RCVRN: variants seen among roughly 807,000 people sequenced by gnomAD.
RCVRN encodes the protein recoverin.
In RCVRN, 23 loss-of-function variants were observed where a neutral mutation model predicts 20.4. That is an observed-to-expected ratio of 1.13 (90% CI 0.81 to 1.60). The LOEUF is 1.60. Among genes scored for constraint, RCVRN ranks in the 40% most tolerant of loss-of-function variants. The pLI, the probability that RCVRN is intolerant of heterozygous loss-of-function variation, is 0.00. For synonymous variants in RCVRN, 105 were observed against 105.9 expected (o/e 0.99, Z 0.05); for missense variants, 254 against 254.2 (o/e 1.00, Z 0.00).
Position 9,904,031 on chromosome 17 carries a change from G to C in RCVRN, c.381+769C>G, listed in dbSNP as rs1341144477. On this transcript the variant is annotated intron_variant, in intron 1 of 2. Transcript: ENST00000226193. The surrounding 1 kb of genome is among the most constrained non-coding windows in gnomAD (Gnocchi z 5.8). ...TGAGGCTGGCGGATCGCTGGAGGTCGGGAGTTTGAGACCAGCCTGACCAAC... is the reference window on the plus strand; with the variant it reads ...TGAGGCTGGCGGATCGCTGGAGGTCCGGAGTTTGAGACCAGCCTGACCAAC... Among the ~76,000 whole-genome samples the C allele has an allele frequency of 6.6e-6, 1 of 152,038 alleles. No individual in the cohort carries two copies. The highest frequency in any genetic ancestry group is 2.4e-5 in the African/African-American group (1 of 41,380).
Position 9,898,029 on chromosome 17 carries a change from T to C in RCVRN, c.*66A>G. ...GCGCGTGTGTGTGCATGTGTGTGTG[T>C]GTGCACAGGCGCTCACGGGTGTCAT... On this transcript the variant is annotated 3_prime_UTR_variant, in exon 3 of 3. Transcript: ENST00000226193. 1.0e-6 allele frequency: 1 copy of C among 966,990 alleles called. No individual in the cohort carries two copies. Among genetic ancestry groups the C allele is most frequent in the Non-Finnish European group, 1.7e-6 (1 of 590,066 alleles). The allele number at this position is 966,990 out of a possible 1,614,324, so 59.9% of individuals were successfully genotyped here.
At chr17:9,898,986 T>A (rs2067330513) in intron 2 of RCVRN, among the ~76,000 whole-genome samples, 1 of 152,178 alleles carries the variant, frequency 6.6e-6, no homozygotes, top group African/African-American at 2.4e-5. Context: ...TGAGCCCAGA[T>A]GCCACTGTGC....
intron 1 of RCVRN, among the ~76,000 whole-genome samples, chr17:9,902,231 C>T (rs2067344625): frequency 6.6e-6 from 1 of 151,938 alleles, no homozygotes; most frequent in Non-Finnish European, 1.5e-5. Context: ...AGTCCCTGTC[C>T]CAGGCCACCC....
At chr17:9,900,520 C>CTAACCTT (rs2067337014) in intron 2 of RCVRN, among the ~76,000 whole-genome samples, 1 of 152,076 alleles carries the variant, frequency 6.6e-6, no homozygotes, top group Admixed American at 6.5e-5. Flanking sequence ...CCTTTCTTTC[C>CTAACCTT]CTCTCTCCCT....
At chr17:9,900,457 A>G (rs1437969874) in intron 2 of RCVRN, among the ~76,000 whole-genome samples, 1 of 129,648 alleles carries the variant, frequency 7.7e-6, no homozygotes, top group Non-Finnish European at 1.5e-5. Flanking sequence ...AGTCTCGGGC[A>G]TTACTTACCT....
At chr17:9,900,899 A>G in intron 2 of RCVRN, 90 bp downstream of exon 2, 1 of 810,552 alleles carries the variant, frequency 1.2e-6, no homozygotes, top group Non-Finnish European at 2.1e-6. Context: ...CTGCCTGGAC[A>G]CTGTGACTCA....
chr17:9,901,022 T>C lies in RCVRN; in HGVS notation c.460A>G (p.Lys154Glu). Residue 154 changes from lysine to glutamate, a missense_variant, in exon 2 of 3, where the codon AAG becomes GAG. Transcript: ENST00000226193. ...TTCTTTCCAAAGTACTTCCAGATCT[T>C]CTCGGCTCGCTTTTCCGGCGTGTTT... ...DENTPEKRAE[K>E]IWKYFGKNDD... 1.2e-6 allele frequency: 2 copies of C among 1,609,282 alleles called. No individual in the cohort carries two copies. The highest frequency in any genetic ancestry group is 1.7e-6 in the Non-Finnish European group (2 of 1,176,166).
chr17:9,904,027 G>A lies in RCVRN; in HGVS notation c.381+773C>T, dbSNP rs994242050. Reference sequence around the variant, plus strand: ...AGGCTGAGGCTGGCGGATCGCTGGAGGTCGGGAGTTTGAGACCAGCCTGAC... The same window carrying A: ...AGGCTGAGGCTGGCGGATCGCTGGAAGTCGGGAGTTTGAGACCAGCCTGAC... On this transcript the variant is annotated intron_variant, in intron 1 of 2. Coordinates refer to ENST00000226193, the MANE Select transcript of RCVRN (RefSeq NM_002903.3). This position sits in a 1 kb window ranked among gnomAD's most constrained non-coding sequence, Gnocchi z 5.8. Among the ~76,000 whole-genome samples the A allele has an allele frequency of 6.6e-6, 1 of 152,184 alleles. No individual in the cohort carries two copies. Among genetic ancestry groups the A allele is most frequent in the East Asian group, 1.9e-4 (1 of 5,196 alleles).
chr17:9,902,721 G>T (rs985123783), intron 1 of RCVRN, among the ~76,000 whole-genome samples: 1 of 152,200 alleles, frequency 6.6e-6, no homozygotes, highest in Non-Finnish European at 1.5e-5. Context: ...GAAGAGGTTG[G>T]GTGCGGAAGC....
At position 9,899,145 on chromosome 17, in the gene RCVRN, T is replaced by G. The variant is rs1200718004; in HGVS notation, c.494-941A>C. Among the ~76,000 whole-genome samples the G allele has an allele frequency of 6.6e-6, 1 of 152,180 alleles. No individual in the cohort carries two copies. Among genetic ancestry groups the G allele is most frequent in the Non-Finnish European group, 1.5e-5 (1 of 68,022 alleles). ...GCATGAGACAGATGCTCCTTTCTGT[T>G]GTATGTTCACAGTGCCTAGCACAGA... On this transcript the variant is annotated intron_variant, in intron 2 of 2. Transcript: ENST00000226193. The surrounding 1 kb of genome is among the most constrained non-coding windows in gnomAD (Gnocchi z 4.6).
In RCVRN at chr17:9,899,105, G is replaced by A. The variant is rs949141516; in HGVS notation, c.494-901C>T. On this transcript the variant is annotated intron_variant, in intron 2 of 2. Coordinates refer to ENST00000226193, the MANE Select transcript of RCVRN (RefSeq NM_002903.3). The surrounding 1 kb of genome is among the most constrained non-coding windows in gnomAD (Gnocchi z 4.6). Reference sequence around the variant, plus strand: ...GACCTGGCGGGGAAGGCAGTCACACGCAGAAATACCTCTAGCATGAGACAG... The same window carrying A: ...GACCTGGCGGGGAAGGCAGTCACACACAGAAATACCTCTAGCATGAGACAG... Among the ~76,000 whole-genome samples the A allele has an allele frequency of 6.6e-6, 1 of 152,262 alleles. No homozygotes were observed.
In RCVRN at chr17:9,901,030, C is replaced by A. The variant is rs796526122; in HGVS notation, c.452G>T (p.Arg151Leu). The A allele has an allele frequency of 1.2e-5, 19 of 1,610,432 alleles. No homozygotes were observed. Among genetic ancestry groups the A allele is most frequent in the Admixed American group, 5.0e-5 (3 of 59,950 alleles). ...LPDDENTPEKRAEKIWKYFGK... is the reference protein window; with the variant it reads ...LPDDENTPEKLAEKIWKYFGK... ...AAAGTACTTCCAGATCTTCTCGGCT[C>A]GCTTTTCCGGCGTGTTTTCATCGTC... is the stretch of plus-strand genomic sequence containing the variant. The change falls in exon 2 of 3, where the codon CGA (arginine) becomes CTA (leucine). Residue 151 changes from arginine (R) to leucine (L), a missense_variant. Physicochemically the swap from Arg to Leu is moderately radical, Grantham distance 102 (BLOSUM62 -2). Transcript: ENST00000226193.
Position 9,899,566 on chromosome 17 carries a change from G to A in RCVRN, c.494-1362C>T, listed in dbSNP as rs2067332840. ...AACGGACCCAGAGGGAGGTCGCGAA[G>A]CCAGTTAAGGAGCCAGTGGGGCAAA... On this transcript the variant is annotated intron_variant, in intron 2 of 2. Coordinates refer to ENST00000226193, the MANE Select transcript of RCVRN (RefSeq NM_002903.3). This position sits in a 1 kb window ranked among gnomAD's most constrained non-coding sequence, Gnocchi z 4.6. Among the ~76,000 whole-genome samples, 1 of 152,232 alleles carries A rather than the reference G, an allele frequency of 6.6e-6. No individual in the cohort carries two copies. The highest frequency in any genetic ancestry group is 2.4e-5 in the African/African-American group (1 of 41,468).
intron 1 of RCVRN, 112 bp from the exon 2 acceptor site, chr17:9,901,212 A>C (rs1028280225): frequency 3.8e-6 from 2 of 524,322 alleles, no homozygotes; most frequent in Admixed American, 6.8e-5. Context: ...TGGATTAAAG[A>C]CTTAAACATA....
rs9910116 is a variant in RCVRN at position 9,904,660 on chromosome 17, G to A, written c.381+140C>T. On this transcript the variant is annotated intron_variant, in intron 1 of 2. Coordinates refer to ENST00000226193, the MANE Select transcript of RCVRN (RefSeq NM_002903.3). This position sits in a 1 kb window ranked among gnomAD's most constrained non-coding sequence, Gnocchi z 5.8. ...CCTCTATCAATATCAGCATCTCGGA[G>A]CACCACGCTCTCAGAGCCAGTGGCC... The A allele has an allele frequency of 9.9e-3, 9,287 of 941,426 alleles. 602 individuals are homozygous for A. In the African/African-American group the frequency reaches 0.13, roughly 14 times the overall value. The allele number at this position is 941,426 out of a possible 1,614,324, so 58.3% of individuals were successfully genotyped here.
chr17:9,898,780 C>T (rs9898489), intron 2 of RCVRN, among the ~76,000 whole-genome samples: 3,262 of 152,250 alleles, frequency 0.021, 169 homozygotes, highest in East Asian at 0.19. Context: ...AGCACACAGG[C>T]AGCCCCATGA....
rs1245536378 is a variant in RCVRN at position 9,898,088 on chromosome 17, G to A, written c.*7C>T. ...TAGGTGGAGGGAGGACAGCTGAACA[G>A]TTGGCATCAGGCGTTCTTCATCTTT... On this transcript the variant is annotated 3_prime_UTR_variant, in exon 3 of 3. Coordinates refer to ENST00000226193, the MANE Select transcript of RCVRN (RefSeq NM_002903.3). The A allele has an allele frequency of 3.1e-6, 5 of 1,602,666 alleles. No individual in the cohort carries two copies. The highest frequency in any genetic ancestry group is 1.7e-4 in the Middle Eastern group (1 of 6,042).
chr17:9,904,962 G>C lies in RCVRN; in HGVS notation c.219C>G (p.Phe73Leu), dbSNP rs1388077138. Reference sequence around the variant, plus strand: ...CCAGGGTGCCGTCGAGGTTGGAATCGAAGCTGCGGAACACATGCTGGGCGT... The same window carrying C: ...CCAGGGTGCCGTCGAGGTTGGAATCCAAGCTGCGGAACACATGCTGGGCGT... ...KAYAQHVFRS[F>L]DSNLDGTLDF... The change falls in exon 1 of 3, where the codon TTC (phenylalanine) becomes TTG (leucine). Residue 73 changes from phenylalanine to leucine, a missense_variant. By Grantham distance (22) the Phe-to-Leu change is conservative (BLOSUM62 0). Transcript: ENST00000226193. This position sits in a 1 kb window ranked among gnomAD's most constrained non-coding sequence, Gnocchi z 5.8. 5 of 1,614,180 alleles carry C rather than the reference G, an allele frequency of 3.1e-6. No individual in the cohort carries two copies. The highest frequency in any genetic ancestry group is 4.2e-6 in the Non-Finnish European group (5 of 1,180,046).
chr17:9,901,513 C>T (rs1281000367), intron 1 of RCVRN, among the ~76,000 whole-genome samples: 1 of 152,120 alleles, frequency 6.6e-6, no homozygotes, highest in Admixed American at 6.6e-5. Context: ...GTGAAATTAT[C>T]CTGGAGGGAA....
Sources: gnomAD v4.1 joint callset for allele counts (sites outside exome capture counted in the v4.1 genomes callset) on GRCh38, gnomAD v4.1.1 for gene constraint, Gnocchi (gnomAD v3.1) non-coding constraint, MANE v1.5 for transcripts, NCBI Gene and HGNC (gene_info 2026-07-23, HGNC 2026-07-21) for gene names.